The following SPTB variants were observed in gnomAD, a reference collection of about 807,000 sequenced individuals.
The protein encoded by SPTB is spectrin beta chain, erythrocytic.
A neutral mutation model predicts 256.2 loss-of-function variants in SPTB; 45 were observed. The ratio of observed to expected loss-of-function variants is 0.18; its 90% confidence interval spans 0.14 to 0.23. SPTB has a LOEUF of 0.23. Ranked by LOEUF, SPTB falls within the 10% of genes least tolerant of loss-of-function variation. The pLI is 1.00. For synonymous variants in SPTB, 1,231 were observed against 1,243.1 expected, an observed-to-expected ratio of 0.99 and a Z score of 0.21; for missense variants, 2,715 against 3,040.4, an observed-to-expected ratio of 0.89 and a Z score of 2.52.
chr14:64,767,826 G>A lies in SPTB; in HGVS notation c.6056C>T (p.Ser2019Phe), dbSNP rs775701663. 12 of 1,614,112 alleles carry A rather than the reference G, an allele frequency of 7.4e-6. No individual in the cohort carries two copies. Among genetic ancestry groups the A allele is most frequent in the Non-Finnish European group, 1.0e-5 (12 of 1,179,992 alleles). The stretch of plus-strand genomic sequence containing the variant: ...GGCAATCAGCCACGCCTCAGCCACA[G>A]AGGCATCCCTCGAGAACTGGCACAC... The part of the protein sequence containing the change: ...LEVCQFSRDA[S>F]VAEAWLIAQE... The change falls in exon 30 of 36, where the codon TCT becomes TTT. Residue 2019 changes from serine to phenylalanine, a missense_variant. Coordinates refer to ENST00000644917, the MANE Select transcript of SPTB (RefSeq NM_001355436.2).
At chr14:64,750,732 A>G (rs1393634094) in intron 33 of SPTB, among the ~76,000 whole-genome samples, 1 of 151,380 alleles carries the variant, frequency 6.6e-6, no homozygotes, top group Non-Finnish European at 1.5e-5. Flanking sequence ...GCCGAGATTG[A>G]GCCACTGCAC....
intron 1 of SPTB, among the ~76,000 whole-genome samples, chr14:64,848,789 T>C (rs1460784759): frequency 6.6e-6 from 1 of 152,184 alleles, no homozygotes; most frequent in Non-Finnish European, 1.5e-5. Flanking sequence ...TTTATGAAAT[T>C]AGAAAAATAG....
At chr14:64,766,635 C>G (rs2082187405) in intron 32 of SPTB, 91 bp downstream of exon 32, 1 of 1,612,032 alleles carries the variant, frequency 6.2e-7, no homozygotes, top group Non-Finnish European at 8.5e-7. Flanking sequence ...GCCAGCTCAT[C>G]TCGCCTCCAC....
intron 2 of SPTB, among the ~76,000 whole-genome samples, chr14:64,813,275 T>C (rs907227290): frequency 1.3e-5 from 2 of 152,216 alleles, no homozygotes; most frequent in African/African-American, 4.8e-5. Flanking sequence ...AAAAAGTTTC[T>C]TTCTTGAGGA....
At position 64,796,705 on chromosome 14, in the gene SPTB, C is replaced by A; in HGVS notation, c.1193G>T (p.Ser398Ile). 1 of 1,614,216 alleles carries A rather than the reference C, an allele frequency of 6.2e-7. No individual in the cohort carries two copies. The highest frequency in any genetic ancestry group is 8.5e-7 in the Non-Finnish European group (1 of 1,180,052). The change falls in exon 11 of 36, where the codon AGC becomes ATC. Residue 398 changes from serine (S) to isoleucine (I), a missense_variant. By Grantham distance (142) the Ser-to-Ile change is moderately radical. Around this residue, in one of 4 missense-constraint regions of SPTB, gnomAD observed 416 missense variants for 571.1 expected, o/e 0.73. Transcript: ENST00000644917. The surrounding 1 kb of genome is among the most constrained non-coding windows in gnomAD (Gnocchi z 4.1). ...LVSDINRAWE[S>I]LEEAEYRREL... is the part of the protein sequence containing the mutation. ...CCGCCGATACTCAGCTTCCTCCAGG[C>A]TTTCCCAGGCCTGCACAAAGGATGG...
rs1238988763 is a variant in SPTB at position 64,772,314 on chromosome 14, C to A, written c.5553+266G>T. 1.3e-5 allele frequency among the ~76,000 whole-genome samples: 2 copies of A among 152,226 alleles called. No homozygotes were observed. The highest frequency in any genetic ancestry group is 4.8e-5 in the African/African-American group (2 of 41,460). On this transcript the variant is annotated intron_variant, in intron 26 of 35. Transcript: ENST00000644917. The surrounding 1 kb of genome is among the most constrained non-coding windows in gnomAD (Gnocchi z 5.4). ...GCTAGAAAAGTGCTGTGCGTGTGTC[C>A]ACTAATAGTACTGCACAACTGGAGA...
chr14:64,751,108 AATATATAATATTT>A (rs1566731384), intron 33 of SPTB, among the ~76,000 whole-genome samples: 1 of 146,318 alleles, frequency 6.8e-6, no homozygotes, highest in Admixed American at 6.9e-5. Flanking sequence ...TAATATATAT[AATATATAATATTT>A]ATATATAATA....
rs1395799935 is a variant in SPTB, at chr14:64,847,537, G to A, written c.-51-24392C>T. Among the ~76,000 whole-genome samples, 3 of 152,082 alleles carry A rather than the reference G, an allele frequency of 2.0e-5. No homozygotes were observed. Among genetic ancestry groups the A allele is most frequent in the East Asian group, 3.9e-4 (2 of 5,182 alleles). On this transcript the variant is annotated intron_variant, in intron 1 of 35. Transcript: ENST00000644917. The surrounding 1 kb of genome is among the most constrained non-coding windows in gnomAD (Gnocchi z 5.9). ...GCTCCTTTCAAGCTACATTGGCTTT[G>A]GATCAGAACGTCAACTCAGAAGAAG...
At chr14:64,840,704 A>G (rs192542282) in intron 1 of SPTB, among the ~76,000 whole-genome samples, 1 of 152,250 alleles carries the variant, frequency 6.6e-6, no homozygotes, top group Admixed American at 6.5e-5. Context: ...TCCCTTCACC[A>G]TCCCCACACA....
rs993474359 is a variant in SPTB at position 64,787,275 on chromosome 14, T to C, written c.2805-115A>G. The C allele has an allele frequency of 4.3e-6, 6 of 1,389,052 alleles. 1 individual carries two copies. The Middle Eastern group carries it at 7.3e-4, about 170-fold the overall frequency. The allele number at this position is 1,389,052 out of a possible 1,614,324, so 86.0% of individuals were successfully genotyped here. On this transcript the variant is annotated intron_variant, in intron 15 of 35. Transcript: ENST00000644917. ...CCCACAAGTCTCCCCCCACAGACTT[T>C]GTATGATAAAAAGAAAAAAAAAAAT...
chr14:64,791,580 A>AG (rs2139586445), intron 15 of SPTB, 139 bp downstream of exon 15: 1 of 838,732 alleles, frequency 1.2e-6, no homozygotes, highest in East Asian at 2.7e-5. Flanking sequence ...AAAAAAAAAA[A>AG]AAAAAAAAAA....
rs1376630629 is a variant in SPTB, at chr14:64,793,487, C to T, written c.2176G>A (p.Asp726Asn). ...AAGGCAGCCAGGTCCTTCAGCTGGT[C>T]CCACTGTGCCGACACCTCCTTTATG... is the stretch of plus-strand genomic sequence containing the variant. ...ARIKEVSAQW[D>N]QLKDLAAFCK... The change falls in exon 14 of 36, where the codon GAC becomes AAC. Residue 726 changes from aspartate (D) to asparagine (N), a missense_variant. Coordinates refer to ENST00000644917, the MANE Select transcript of SPTB (RefSeq NM_001355436.2). This position sits in a 1 kb window ranked among gnomAD's most constrained non-coding sequence, Gnocchi z 7.0. 1.9e-6 allele frequency: 3 copies of T among 1,614,054 alleles called. No individual in the cohort carries two copies. The Admixed American group carries it at 5.0e-5, about 27-fold the overall frequency.
In SPTB at chr14:64,775,553, C is replaced by G; in HGVS notation, c.4564-150G>C. The G allele has an allele frequency of 9.3e-7, 1 of 1,080,678 alleles. No homozygotes were observed. Among genetic ancestry groups the G allele is most frequent in the South Asian group, 1.7e-5 (1 of 60,586 alleles). 66.9% of individuals were successfully genotyped at this position (1,080,678 alleles called of 1,614,324 possible). ...TGATGGCGATAAGAACTACCAATGA[C>G]CTCTTGCGGGCTGCTAAGCACCTCA... On this transcript the variant is annotated intron_variant, in intron 22 of 35. Coordinates refer to ENST00000644917, the MANE Select transcript of SPTB (RefSeq NM_001355436.2). This position sits in a 1 kb window ranked among gnomAD's most constrained non-coding sequence, Gnocchi z 5.0.
At chr14:64,874,052 C>T (rs1286847913) in intron 1 of SPTB, among the ~76,000 whole-genome samples, 2 of 152,174 alleles carry the variant, frequency 1.3e-5, no homozygotes, top group Admixed American at 6.5e-5. Context: ...CATCACACCC[C>T]TTTATGACTT....
In SPTB at chr14:64,747,692, TCA is replaced by T. The variant is rs1406965646; in HGVS notation, c.*1612_*1613del. 6.6e-6 allele frequency: 1 copy of T among 152,210 alleles called. No homozygotes were observed. The allele number at this position is 152,210 out of a possible 1,614,324, so 9.4% of individuals were successfully genotyped here. A position where few individuals can be genotyped will look rare whatever the true frequency, so the allele number is the denominator to read the frequency against. On this transcript the variant is annotated 3_prime_UTR_variant, in exon 36 of 36. Coordinates refer to ENST00000644917, the MANE Select transcript of SPTB (RefSeq NM_001355436.2). Reference sequence around the variant, plus strand: ...GGCTTCTACCTGAACCTCACCCACTTCATCTCCATGGAACTAAGGTCCTTCTC... The same window carrying T: ...GGCTTCTACCTGAACCTCACCCACTTTCTCCATGGAACTAAGGTCCTTCTC...
At position 64,782,366 on chromosome 14, in the gene SPTB, G is replaced by C; in HGVS notation, c.4190C>G (p.Ala1397Gly). 6.2e-7 allele frequency: 1 copy of C among 1,614,162 alleles called. No individual in the cohort carries two copies. The highest frequency in any genetic ancestry group is 8.5e-7 in the Non-Finnish European group (1 of 1,180,030). Residue 1397 changes from alanine (A) to glycine (G), a missense_variant, in exon 20 of 36, where the codon GCC becomes GGC. By Grantham distance (60) the Ala-to-Gly change is moderately conservative. Around this residue, in one of 4 missense-constraint regions of SPTB, gnomAD observed 2,239 missense variants for 2,384.4 expected, o/e 0.94. Transcript: ENST00000644917. The part of the protein sequence containing the change: ...THADLNKWIS[A>G]MEDQLRSDDP... ...GTCTGACCGCAGCTGGTCCTCCATG[G>C]CGCTGATCCACTTGTTGAGGTCAGC... is the stretch of plus-strand genomic sequence containing the variant.
At position 64,853,831 on chromosome 14, in the gene SPTB, G is replaced by C. The variant is rs230715; in HGVS notation, c.-52+25961C>G. Reference sequence around the variant, plus strand: ...TGGCCTAGGATCTCACACATATCAGGAGCTTAGTAAAATTTAACACTTATC... The same window carrying C: ...TGGCCTAGGATCTCACACATATCAGCAGCTTAGTAAAATTTAACACTTATC... On this transcript the variant is annotated intron_variant, in intron 1 of 35. Coordinates refer to ENST00000644917, the MANE Select transcript of SPTB (RefSeq NM_001355436.2). The surrounding 1 kb of genome is among the most constrained non-coding windows in gnomAD (Gnocchi z 4.3). Among the ~76,000 whole-genome samples the C allele has an allele frequency of 0.14, 21,005 of 152,144 alleles. 2,484 individuals are homozygous for C. Among genetic ancestry groups the C allele is most frequent in the African/African-American group, 0.31 (13,028 of 41,456 alleles).
At chr14:64,818,106 T>C (rs568571487) in intron 2 of SPTB, among the ~76,000 whole-genome samples, 2 of 152,196 alleles carry the variant, frequency 1.3e-5, no homozygotes, top group Non-Finnish European at 2.9e-5. Context: ...GCAGCACCAC[T>C]TGGATTTGAA....
chr14:64,804,863 G>A (rs140055898), intron 3 of SPTB, 76 bp downstream of exon 3: 1 of 1,592,858 alleles, frequency 6.3e-7, no homozygotes, highest in African/African-American at 1.3e-5. Context: ...AGGAGAACTT[G>A]AGATGCCCCC....
Sources: gnomAD v4.1 joint callset for allele counts (sites outside exome capture counted in the v4.1 genomes callset) on GRCh38, gnomAD v4.1.1 for gene constraint, gnomAD v4.1.1 regional missense constraint, Gnocchi (gnomAD v3.1) non-coding constraint, MANE v1.5 for transcripts, NCBI Gene and HGNC (gene_info 2026-07-23, HGNC 2026-07-21) for gene names.